The following TSHZ3 variants were observed in gnomAD, a reference collection of about 807,000 sequenced individuals.
The protein encoded by TSHZ3 is teashirt homolog 3.
TSHZ3 carries 10 observed loss-of-function variants against 64.5 expected under a neutral mutation model. That is an observed-to-expected ratio of 0.16 (90% CI 0.10 to 0.26). TSHZ3 has a LOEUF of 0.26. Among genes scored for constraint, TSHZ3 ranks in the 10% least tolerant of loss-of-function variants. TSHZ3 has a pLI of 1.00. For synonymous variants in TSHZ3, 608 were observed against 593.1 expected, an observed-to-expected ratio of 1.03 and a Z score of -0.36; for missense variants, 1,242 against 1,421.7, an observed-to-expected ratio of 0.87 and a Z score of 2.03.
At chr19:31,230,977 C>CA in intron 3 of TSHZ3, among the ~76,000 whole-genome samples, 1 of 151,962 alleles carries the variant, frequency 6.6e-6, no homozygotes. Context: ...GCTGGGATTA[C>CA]AGGCATGAGC....
intron 5 of TSHZ3, among the ~76,000 whole-genome samples, chr19:31,200,602 A>G (rs1407304813): frequency 6.6e-6 from 1 of 152,222 alleles, no homozygotes; most frequent in African/African-American, 2.4e-5. Flanking sequence ...GACGAAGCAC[A>G]AAGGATATTT....
At chr19:31,215,889 AT>A (rs1203648171) in intron 4 of TSHZ3, among the ~76,000 whole-genome samples, 10 of 151,856 alleles carry the variant, frequency 6.6e-5, no homozygotes, top group African/African-American at 2.4e-4. Flanking sequence ...AGGTATTATA[AT>A]TTTTTTCTAT....
Position 31,338,570 on chromosome 19 carries a change from CT to C in TSHZ3, c.40+10609del, listed in dbSNP as rs918866513. Among the ~76,000 whole-genome samples, 72 of 128,082 alleles carry C rather than the reference CT, an allele frequency of 5.6e-4. 1 individual carries two copies. The highest frequency in any genetic ancestry group is 1.3e-3 in the Admixed American group (16 of 12,660). The allele number at this position is 128,082 out of a possible 152,430, so 84.0% of individuals were successfully genotyped here. On this transcript the variant is annotated intron_variant, in intron 1 of 1. Transcript: ENST00000240587. ...CTTTTCAGATACGGTGTTGGTTTTT[CT>C]TTTTTTTTTCTTTTTTTTTTTTTTT...
intron 3 of TSHZ3, among the ~76,000 whole-genome samples, chr19:31,238,156 T>C (rs967034043): frequency 1.2e-4 from 19 of 152,158 alleles, no homozygotes; most frequent in Admixed American, 1.0e-3. Context: ...CTATGGTTTG[T>C]ATATTTTTAT....
chr19:31,193,216 C>T (rs545707528), intron 5 of TSHZ3, among the ~76,000 whole-genome samples: 31 of 152,230 alleles, frequency 2.0e-4, no homozygotes, highest in African/African-American at 3.4e-4. Context: ...ACATATGACG[C>T]GACATATCTG....
intron 4 of TSHZ3, among the ~76,000 whole-genome samples, chr19:31,213,413 G>T (rs561561952): frequency 9.8e-5 from 14 of 143,376 alleles, no homozygotes; most frequent in Non-Finnish European, 1.3e-4. Flanking sequence ...CAGGGGTAAG[G>T]AGGGAAGGAT....
At chr19:31,328,994 G>A (rs973037170) in intron 1 of TSHZ3, among the ~76,000 whole-genome samples, 1 of 152,114 alleles carries the variant, frequency 6.6e-6, no homozygotes, top group African/African-American at 2.4e-5. Flanking sequence ...TCCTGTACAG[G>A]GGCCGTGTGA....
intron 1 of TSHZ3, among the ~76,000 whole-genome samples, chr19:31,288,997 G>C (rs1029010779): frequency 1.3e-5 from 2 of 152,208 alleles, no homozygotes; most frequent in African/African-American, 2.4e-5. Context: ...TCAACAAATG[G>C]GAGGAAGGAA....
At chr19:31,229,146 A>G (rs1243008455) in intron 3 of TSHZ3, among the ~76,000 whole-genome samples, 3 of 152,240 alleles carry the variant, frequency 2.0e-5, no homozygotes, top group East Asian at 1.9e-4. Context: ...CAATTTGTGT[A>G]TAAGTCTATT....
At chr19:31,311,968 C>T (rs1401662733) in intron 1 of TSHZ3, among the ~76,000 whole-genome samples, 1 of 152,218 alleles carries the variant, frequency 6.6e-6, no homozygotes, top group Non-Finnish European at 1.5e-5. Flanking sequence ...CAGTGATCCG[C>T]CCGCCTCAAC....
At chr19:31,313,879 C>T (rs142082997) in intron 1 of TSHZ3, among the ~76,000 whole-genome samples, 85 of 152,318 alleles carry the variant, frequency 5.6e-4, no homozygotes, top group Admixed American at 4.6e-3. Flanking sequence ...CATCCTGGCA[C>T]CGACACTCAC....
intron 1 of TSHZ3, among the ~76,000 whole-genome samples, chr19:31,245,700 T>C (rs1253756825): frequency 6.6e-6 from 1 of 152,118 alleles, no homozygotes; most frequent in Non-Finnish European, 1.5e-5. Flanking sequence ...ACATGGGGTC[T>C]CCATACAAAG....
chr19:31,322,623 T>C (rs1212491661), intron 1 of TSHZ3, among the ~76,000 whole-genome samples: 1 of 151,866 alleles, frequency 6.6e-6, no homozygotes, highest in African/African-American at 2.4e-5. Flanking sequence ...TCTCACTATG[T>C]TGCCCAGGCT....
chr19:31,247,578 A>C (rs1975773289), intron 1 of TSHZ3, among the ~76,000 whole-genome samples: 1 of 152,218 alleles, frequency 6.6e-6, no homozygotes, highest in South Asian at 2.1e-4. Context: ...AGGAGAGATG[A>C]GCACCGAAGG....
At chr19:31,242,962 T>C (rs893215984) in intron 1 of TSHZ3, among the ~76,000 whole-genome samples, 32 of 152,170 alleles carry the variant, frequency 2.1e-4, no homozygotes, top group African/African-American at 7.5e-4. Context: ...CCTGCTTACA[T>C]TGAGGGTAGA....
chr19:31,152,215 A>G (rs1274221447), intron 6 of TSHZ3, among the ~76,000 whole-genome samples: 3 of 151,266 alleles, frequency 2.0e-5, no homozygotes, highest in Non-Finnish European at 4.4e-5. Flanking sequence ...GGATGGTTCC[A>G]TATTACTGTG....
intron 1 of TSHZ3, among the ~76,000 whole-genome samples, chr19:31,348,339 C>T (rs1037626284): frequency 9.2e-5 from 14 of 152,098 alleles, no homozygotes; most frequent in African/African-American, 2.9e-4. Flanking sequence ...ATGCCCCCAA[C>T]CGACATTATT....
chr19:31,277,296 A>G lies in TSHZ3; in HGVS notation c.2497T>C (p.Phe833Leu), dbSNP rs1324042731. ...TTAKTSAVVS[F>L]MSNSPLRENA... Reference sequence around the variant, plus strand: ...TCGCGTAGCGGCGAGTTTGACATGAATGATACGACGGCAGATGTCTTTGCC... The same window carrying G: ...TCGCGTAGCGGCGAGTTTGACATGAGTGATACGACGGCAGATGTCTTTGCC... Residue 833 changes from phenylalanine to leucine, a missense_variant, in exon 2 of 2, where the codon TTC becomes CTC. By Grantham distance (22) the Phe-to-Leu change is conservative. Around this residue, in one of 4 missense-constraint regions of TSHZ3, gnomAD observed 550 missense variants for 545.1 expected, o/e 1.01. Coordinates refer to ENST00000240587, the MANE Select transcript of TSHZ3 (RefSeq NM_020856.4). This position sits in a 1 kb window ranked among gnomAD's most constrained non-coding sequence, Gnocchi z 4.5. The G allele has an allele frequency of 1.9e-6, 3 of 1,613,738 alleles. No homozygotes were observed. Among genetic ancestry groups the G allele is most frequent in the East Asian group, 2.2e-5 (1 of 44,870 alleles).
chr19:31,192,740 C>T (rs554212909), intron 5 of TSHZ3, among the ~76,000 whole-genome samples: 6 of 152,196 alleles, frequency 3.9e-5, no homozygotes, highest in Non-Finnish European at 7.3e-5. Context: ...TCATTAGATG[C>T]CAAGCAACTC....
Sources: allele counts gnomAD v4.1 joint callset (sites outside exome capture counted in the v4.1 genomes callset), GRCh38; gene constraint gnomAD v4.1.1; regional missense constraint gnomAD v4.1.1; non-coding constraint Gnocchi (gnomAD v3.1); transcripts MANE v1.5; gene names NCBI Gene and HGNC (gene_info 2026-07-23, HGNC 2026-07-21).